Variants in MACROD2 observed in about 807,000 individuals in gnomAD.
MACROD2 encodes mono-ADP ribosylhydrolase 2, also known as ADP-ribose glycohydrolase MACROD2.
In MACROD2, 36 loss-of-function variants were observed where a neutral mutation model predicts 70.4. That is an observed-to-expected ratio of 0.51 (90% confidence interval 0.39 to 0.68). The LOEUF (loss-of-function observed/expected upper bound fraction) is 0.68. MACROD2 is among the 30% of genes least tolerant of loss of function. The probability of loss-of-function intolerance (pLI) is 0.00; values close to 1 mark genes in which losing one functional copy is unlikely to be tolerated. For synonymous variants in MACROD2, 172 were observed against 178.8 expected (o/e 0.96, Z 0.30); for missense variants, 496 against 538.4 (o/e 0.92, Z 0.78).
intron 5 of MACROD2, among the ~76,000 whole-genome samples, chr20:15,087,257 T>C (rs370994641): frequency 6.6e-6 from 1 of 151,880 alleles, no homozygotes; most frequent in Non-Finnish European, 1.5e-5. Context: ...ACTAAGGAAA[T>C]ATTGACAAAA....
chr20:14,889,724 T>C (rs962626182), intron 5 of MACROD2, among the ~76,000 whole-genome samples: 4 of 152,116 alleles, frequency 2.6e-5, no homozygotes, highest in Admixed American at 6.5e-5. Context: ...GAGAAAGGGC[T>C]ATGGGCAGAT....
At chr20:15,884,460 G>C (rs1388217432) in intron 9 of MACROD2, among the ~76,000 whole-genome samples, 1 of 152,040 alleles carries the variant, frequency 6.6e-6, no homozygotes, top group African/African-American at 2.4e-5. Flanking sequence ...GGTATCATTG[G>C]CCTTGAGTGT....
At chr20:16,007,759 C>G (rs971729495) in intron 15 of MACROD2, among the ~76,000 whole-genome samples, 3 of 151,970 alleles carry the variant, frequency 2.0e-5, no homozygotes, top group Non-Finnish European at 4.4e-5. Flanking sequence ...AACTTGTGAC[C>G]CAGCATCCTT....
intron 5 of MACROD2, among the ~76,000 whole-genome samples, chr20:14,772,653 C>T (rs370955988): frequency 2.4e-4 from 37 of 152,118 alleles, no homozygotes; most frequent in Non-Finnish European, 4.4e-4. Context: ...GATGAGATTT[C>T]GGTGGGGACA....
At chr20:14,626,682 CAAT>C (rs1426265833) in intron 4 of MACROD2, among the ~76,000 whole-genome samples, 8 of 152,204 alleles carry the variant, frequency 5.3e-5, no homozygotes, top group African/African-American at 7.2e-5. Context: ...GCAAGGAAAA[CAAT>C]AATCCATACT....
chr20:14,356,365 C>T (rs1468708203), intron 3 of MACROD2, among the ~76,000 whole-genome samples: 1 of 152,028 alleles, frequency 6.6e-6, no homozygotes, highest in Non-Finnish European at 1.5e-5. Flanking sequence ...TCATAACAAA[C>T]CTCCCCAAAA....
intron 6 of MACROD2, among the ~76,000 whole-genome samples, chr20:15,386,481 A>G (rs764453445): frequency 6.6e-6 from 1 of 152,190 alleles, no homozygotes; most frequent in African/African-American, 2.4e-5. Context: ...TTAAGAGACC[A>G]TTTGGGAAAT....
At chr20:14,104,945 C>T (rs1340442105) in intron 3 of MACROD2, among the ~76,000 whole-genome samples, 1 of 152,108 alleles carries the variant, frequency 6.6e-6, no homozygotes, top group East Asian at 1.9e-4. Flanking sequence ...TGTCAGAGGT[C>T]AATTATAGTT....
At chr20:14,338,490 CT>C (rs1254307744) in intron 3 of MACROD2, among the ~76,000 whole-genome samples, 5 of 152,098 alleles carry the variant, frequency 3.3e-5, no homozygotes, top group African/African-American at 7.2e-5. Flanking sequence ...GAAGAAGTTA[CT>C]GTTCTCTATG....
At chr20:14,697,227 C>T (rs938616976) in intron 5 of MACROD2, among the ~76,000 whole-genome samples, 2 of 152,152 alleles carry the variant, frequency 1.3e-5, no homozygotes, top group African/African-American at 2.4e-5. Context: ...ATATGTCCTA[C>T]CTATTGTTTT....
intron 5 of MACROD2, among the ~76,000 whole-genome samples, chr20:15,017,953 G>A (rs1023046581): frequency 6.6e-6 from 1 of 152,188 alleles, no homozygotes; most frequent in African/African-American, 2.4e-5. Context: ...AGGGGCTGCT[G>A]GGAAGTTCTC....
At chr20:15,421,715 T>C (rs888010380) in intron 6 of MACROD2, among the ~76,000 whole-genome samples, 5 of 152,226 alleles carry the variant, frequency 3.3e-5, no homozygotes, top group Admixed American at 3.3e-4. Flanking sequence ...ATTTATTGAG[T>C]TCCAGACACC....
intron 8 of MACROD2, among the ~76,000 whole-genome samples, chr20:15,721,735 T>C (rs2050790226): frequency 6.6e-6 from 1 of 152,156 alleles, no homozygotes; most frequent in African/African-American, 2.4e-5. Flanking sequence ...GTATTTTGGG[T>C]GGATCACACA....
chr20:15,762,628 A>G (rs975660696), intron 8 of MACROD2, among the ~76,000 whole-genome samples: 1 of 152,150 alleles, frequency 6.6e-6, no homozygotes, highest in South Asian at 2.1e-4. Context: ...CCAGGCTTTC[A>G]TTGGCCTTGG....
At chr20:15,268,827 C>G (rs946736892) in intron 6 of MACROD2, among the ~76,000 whole-genome samples, 3 of 152,168 alleles carry the variant, frequency 2.0e-5, no homozygotes, top group African/African-American at 7.2e-5. Flanking sequence ...GACCTTCCTT[C>G]CTTCAGAGTC....
intron 7 of MACROD2, among the ~76,000 whole-genome samples, chr20:15,474,698 G>A (rs6043306): frequency 0.34 from 51,059 of 152,110 alleles, 10,842 homozygotes; most frequent in African/African-American, 0.61. Context: ...CCATAGGTGC[G>A]TGGCTTGACA....
intron 5 of MACROD2, among the ~76,000 whole-genome samples, chr20:14,711,318 G>A (rs553813487): frequency 1.3e-3 from 194 of 152,276 alleles, no homozygotes; most frequent in African/African-American, 4.4e-3. Context: ...AATAAATCAT[G>A]TATCCATTTT....
At chr20:14,871,907 G>T (rs2073492627) in intron 5 of MACROD2, among the ~76,000 whole-genome samples, 1 of 151,896 alleles carries the variant, frequency 6.6e-6, no homozygotes, top group South Asian at 2.1e-4. Context: ...AACCAACAAA[G>T]ATTAAAAAAG....
chr20:15,324,386 G>A (rs937790314), intron 6 of MACROD2, among the ~76,000 whole-genome samples: 2 of 152,034 alleles, frequency 1.3e-5, no homozygotes, highest in East Asian at 1.9e-4. Context: ...TCTGAAACCC[G>A]TATACAACAC....
Sources: allele counts gnomAD v4.1 joint callset (sites outside exome capture counted in the v4.1 genomes callset), GRCh38; gene constraint gnomAD v4.1.1; transcripts MANE v1.5; gene names NCBI Gene and HGNC (gene_info 2026-07-23, HGNC 2026-07-21).